The following ZNF131 variants were observed in gnomAD, a reference collection of about 807,000 sequenced individuals.
ZNF131 encodes zinc finger protein 131.
A neutral mutation model predicts 60.0 loss-of-function variants in ZNF131; 7 were observed. The observed-to-expected ratio is 0.12, with a 90% CI of 0.07 to 0.22. ZNF131 has a LOEUF of 0.22. Ranked by LOEUF, ZNF131 falls within the 10% of genes least tolerant of loss-of-function variation. The probability of loss-of-function intolerance (pLI) is 1.00; values close to 1 mark genes in which losing one functional copy is unlikely to be tolerated. For missense variants in ZNF131, 493 were observed against 740.9 expected, an observed-to-expected ratio of 0.67 and a Z score of 3.88; for synonymous variants, 257 against 253.2, an observed-to-expected ratio of 1.01 and a Z score of -0.14.
Position 43,123,687 on chromosome 5 carries a change from T to C in ZNF131, c.226+377T>C, listed in dbSNP as rs189452338. The C allele has an allele frequency of 7.1e-4, 119 of 168,074 alleles. 2 individuals are homozygous for C. In the East Asian group the frequency reaches 0.016, roughly 23 times the overall value. The allele number at this position is 168,074 out of a possible 1,614,324, so 10.4% of individuals were successfully genotyped here. A position where few individuals can be genotyped will look rare whatever the true frequency, so the allele number is the denominator to read the frequency against. On this transcript the variant is annotated intron_variant, in intron 3 of 6. Transcript: ENST00000682664. ...CTGCTGGAGATGCTGCAGGTTACAG[T>C]AGAAGCTTTTACTGTACTCTATAGC...
intron 3 of ZNF131, 144 bp from the exon 4 acceptor site, chr5:43,139,021 A>G (rs1746479547): frequency 8.2e-6 from 5 of 610,374 alleles, no homozygotes; most frequent in Non-Finnish European, 1.3e-5. Flanking sequence ...ATATTATTGT[A>G]TTGCTAATGA....
intron 3 of ZNF131, among the ~76,000 whole-genome samples, chr5:43,130,837 A>T (rs1745249670): frequency 1.3e-5 from 2 of 151,704 alleles, no homozygotes; most frequent in South Asian, 4.2e-4. Context: ...GAGTGCTGGG[A>T]TTACAGGCAT....
At chr5:43,135,068 G>T (rs181806867) in intron 3 of ZNF131, among the ~76,000 whole-genome samples, 1 of 146,976 alleles carries the variant, frequency 6.8e-6, no homozygotes, top group Non-Finnish European at 1.5e-5. Context: ...GCGCAATCTC[G>T]GCTCCCCCCA....
intron 3 of ZNF131, among the ~76,000 whole-genome samples, chr5:43,131,078 T>C (rs549411849): frequency 3.3e-5 from 5 of 152,040 alleles, no homozygotes; most frequent in Non-Finnish European, 7.4e-5. Flanking sequence ...TTGGCCAGGC[T>C]GGTCTTGAAC....
intron 4 of ZNF131, among the ~76,000 whole-genome samples, chr5:43,140,618 A>G (rs1746693516): frequency 6.6e-6 from 1 of 152,376 alleles, no homozygotes; most frequent in Admixed American, 6.5e-5. Flanking sequence ...GTTTGGTAAA[A>G]TCAGTTTCAC....
chr5:43,121,952 GT>G (rs920123821), intron 1 of ZNF131, 86 bp from the exon 2 acceptor site: 90 of 1,399,242 alleles, frequency 6.4e-5, no homozygotes, highest in South Asian at 1.4e-4. Context: ...CACGTTGCTG[GT>G]TTTTTTTGTT....
At chr5:43,152,641 G>T (rs962613105) in intron 4 of ZNF131, among the ~76,000 whole-genome samples, 1 of 151,730 alleles carries the variant, frequency 6.6e-6, no homozygotes. Context: ...GGGTCTCACT[G>T]TGTCACCCAG....
At chr5:43,138,213 G>C (rs888411653) in intron 3 of ZNF131, among the ~76,000 whole-genome samples, 11 of 152,194 alleles carry the variant, frequency 7.2e-5, no homozygotes, top group African/African-American at 2.7e-4. Flanking sequence ...AATGTGTTAA[G>C]TGGGTAGATC....
intron 5 of ZNF131, among the ~76,000 whole-genome samples, chr5:43,172,487 T>C (rs1273988732): frequency 2.6e-5 from 4 of 152,152 alleles, no homozygotes; most frequent in African/African-American, 9.7e-5. Flanking sequence ...CCGGGCGTGC[T>C]GGCGCACACA....
intron 5 of ZNF131, among the ~76,000 whole-genome samples, chr5:43,165,751 C>T (rs1203517239): frequency 6.6e-6 from 1 of 152,174 alleles, no homozygotes; most frequent in East Asian, 1.9e-4. Context: ...GCTGCATTAG[C>T]TCCCAACAAG....
intron 3 of ZNF131, among the ~76,000 whole-genome samples, chr5:43,133,605 CAA>C (rs1426716228): frequency 2.0e-5 from 3 of 152,170 alleles, no homozygotes; most frequent in African/African-American, 7.2e-5. Context: ...AGTTTACAGT[CAA>C]GAGATGTCCA....
chr5:43,125,844 A>C (rs974287834), intron 3 of ZNF131, among the ~76,000 whole-genome samples: 1 of 152,160 alleles, frequency 6.6e-6, no homozygotes, highest in Admixed American at 6.5e-5. Flanking sequence ...ATGAGCACAC[A>C]TTACCTGGAG....
intron 5 of ZNF131, among the ~76,000 whole-genome samples, chr5:43,163,895 A>G (rs1379243983): frequency 6.6e-6 from 1 of 152,216 alleles, no homozygotes; most frequent in African/African-American, 2.4e-5. Flanking sequence ...GGTATACATC[A>G]CTTGAAATTA....
intron 3 of ZNF131, among the ~76,000 whole-genome samples, chr5:43,128,499 CA>C (rs1249445739): frequency 6.6e-6 from 1 of 151,100 alleles, no homozygotes. Context: ...ACTAAAAATA[CA>C]AAAAAAATTA....
At chr5:43,165,269 G>T (rs1383106672) in intron 5 of ZNF131, among the ~76,000 whole-genome samples, 7 of 150,838 alleles carry the variant, frequency 4.6e-5, no homozygotes, top group African/African-American at 1.7e-4. Flanking sequence ...GAGGTTAGAA[G>T]TCCAAGATCA....
At chr5:43,172,699 A>G (rs1461540438) in intron 5 of ZNF131, among the ~76,000 whole-genome samples, 1 of 151,462 alleles carries the variant, frequency 6.6e-6, no homozygotes, top group Non-Finnish European at 1.5e-5. Context: ...TCTACTGGAC[A>G]TCTCCACCTG....
intron 4 of ZNF131, among the ~76,000 whole-genome samples, chr5:43,151,526 C>T (rs1748312078): frequency 6.6e-6 from 1 of 151,974 alleles, no homozygotes; most frequent in Non-Finnish European, 1.5e-5. Flanking sequence ...CCTCTGCCTT[C>T]TGGGCTCAAG....
chr5:43,122,023 T>C lies in ZNF131; in HGVS notation c.-15-16T>C. ...TCGAGCTCATGGGTGTACATTATCATGCTCTTCTTTTGTAGAGCAGCCCGA... is the reference window on the plus strand; with the variant it reads ...TCGAGCTCATGGGTGTACATTATCACGCTCTTCTTTTGTAGAGCAGCCCGA... On this transcript the variant is annotated splice_polypyrimidine_tract_variant and intron_variant, in intron 1 of 6. Transcript: ENST00000682664. 2 of 1,612,978 alleles carry C rather than the reference T, an allele frequency of 1.2e-6. No homozygotes were observed. The highest frequency in any genetic ancestry group is 1.3e-5 in the African/African-American group (1 of 74,944).
At chr5:43,173,233 C>A in intron 5 of ZNF131, 85 bp from the exon 6 acceptor site, 1 of 1,312,354 alleles carries the variant, frequency 7.6e-7, no homozygotes. Context: ...TTAAAATTAC[C>A]CAAAAAGAAA....
Sources: gnomAD v4.1 joint callset for allele counts (sites outside exome capture counted in the v4.1 genomes callset) on GRCh38, gnomAD v4.1.1 for gene constraint, MANE v1.5 for transcripts, NCBI Gene and HGNC (gene_info 2026-07-23, HGNC 2026-07-21) for gene names.